The following WDR70 variants were observed in gnomAD, a reference collection of about 807,000 sequenced individuals.
WDR70 encodes WD repeat-containing protein 70.
A neutral mutation model predicts 88.6 loss-of-function variants in WDR70; 53 were observed. The ratio of observed to expected loss-of-function variants is 0.60; its 90% CI spans 0.48 to 0.75. The LOEUF is 0.75. WDR70 is among the 30% of genes least tolerant of loss of function. The pLI is 0.00. For synonymous variants in WDR70, 280 were observed against 270.0 expected, an observed-to-expected ratio of 1.04 and a Z score of -0.36; for missense variants, 610 against 823.2, an observed-to-expected ratio of 0.74 and a Z score of 3.17.
intron 9 of WDR70, among the ~76,000 whole-genome samples, chr5:37,527,110 C>G (rs1315336472): frequency 6.6e-6 from 1 of 151,856 alleles, no homozygotes; most frequent in Non-Finnish European, 1.5e-5. Context: ...TGACTTTCTT[C>G]ACAGAATTGG....
intron 9 of WDR70, among the ~76,000 whole-genome samples, chr5:37,570,337 A>G (rs1329607223): frequency 1.3e-5 from 2 of 152,102 alleles, no homozygotes; most frequent in South Asian, 2.1e-4. Flanking sequence ...TAGGAGGAAG[A>G]CAATGTAATT....
rs563684376 is a variant in WDR70 at position 37,741,313 on chromosome 5, A to G, written c.1878-11173A>G. Among the ~76,000 whole-genome samples the G allele has an allele frequency of 4.1e-4, 62 of 151,810 alleles. 1 individual carries two copies. Among genetic ancestry groups the G allele is most frequent in the Middle Eastern group, 6.8e-3 (2 of 294 alleles). ...ACATGAGATAAAACTTACTATCTTA[A>G]CCATTTATAAGTATATAGTTCATTA... On this transcript the variant is annotated intron_variant, in intron 17 of 17. Coordinates refer to ENST00000265107, the MANE Select transcript of WDR70 (RefSeq NM_018034.4).
intron 5 of WDR70, among the ~76,000 whole-genome samples, chr5:37,418,712 C>CT (rs530122248): frequency 2.2e-3 from 330 of 152,168 alleles, no homozygotes; most frequent in Non-Finnish European, 3.0e-3. Flanking sequence ...TTTCTAAAAA[C>CT]TTTTTTTCTG....
At chr5:37,718,855 C>A (rs1022776885) in intron 13 of WDR70, among the ~76,000 whole-genome samples, 1 of 152,132 alleles carries the variant, frequency 6.6e-6, no homozygotes, top group Non-Finnish European at 1.5e-5. Flanking sequence ...TGACTGAGAT[C>A]TTTGCCCATG....
chr5:37,455,586 T>G (rs1442366007), intron 7 of WDR70, among the ~76,000 whole-genome samples: 1 of 151,328 alleles, frequency 6.6e-6, no homozygotes, highest in Admixed American at 6.6e-5. Flanking sequence ...TTTGGCTCTC[T>G]GTTATCTGTT....
intron 10 of WDR70, among the ~76,000 whole-genome samples, chr5:37,646,189 A>G (rs1745234550): frequency 1.3e-5 from 2 of 152,130 alleles, no homozygotes; most frequent in Admixed American, 6.6e-5. Context: ...TTTATAACCC[A>G]TTATTTAAAC....
At chr5:37,603,891 A>G (rs1413258105) in intron 9 of WDR70, among the ~76,000 whole-genome samples, 1 of 152,198 alleles carries the variant, frequency 6.6e-6, no homozygotes, top group Non-Finnish European at 1.5e-5. Flanking sequence ...ATACTGTGCT[A>G]TTTCAAATAT....
chr5:37,743,879 GT>G (rs1232636546), intron 17 of WDR70, among the ~76,000 whole-genome samples: 2 of 152,206 alleles, frequency 1.3e-5, no homozygotes, highest in Admixed American at 1.3e-4. Context: ...AGACGAGTGG[GT>G]TTCCCCCCAG....
At chr5:37,500,881 G>A (rs189392572) in intron 8 of WDR70, among the ~76,000 whole-genome samples, 5 of 151,934 alleles carry the variant, frequency 3.3e-5, no homozygotes, top group African/African-American at 1.2e-4. Context: ...GGGATTACAG[G>A]TGTGCGCCAC....
intron 5 of WDR70, among the ~76,000 whole-genome samples, chr5:37,404,004 G>C (rs760565909): frequency 6.6e-6 from 1 of 152,176 alleles, no homozygotes; most frequent in African/African-American, 2.4e-5. Flanking sequence ...GCCTCCCAAA[G>C]TGTTGGGATT....
At chr5:37,396,972 G>A (rs1439918110) in intron 5 of WDR70, among the ~76,000 whole-genome samples, 1 of 152,160 alleles carries the variant, frequency 6.6e-6, no homozygotes, top group African/African-American at 2.4e-5. Context: ...GCGAAACTCT[G>A]TTTCTACAAA....
At chr5:37,715,545 T>G (rs377447837) in intron 13 of WDR70, among the ~76,000 whole-genome samples, 1 of 152,158 alleles carries the variant, frequency 6.6e-6, no homozygotes, top group East Asian at 1.9e-4. Context: ...TATTGGAGAC[T>G]GGGGCTTACT....
chr5:37,660,057 T>A (rs1322403175), intron 10 of WDR70, among the ~76,000 whole-genome samples: 2 of 152,256 alleles, frequency 1.3e-5, no homozygotes, highest in Non-Finnish European at 2.9e-5. Context: ...GTGTGTAGTA[T>A]AATTTCCAAA....
chr5:37,680,746 C>G (rs1746403822), intron 10 of WDR70, among the ~76,000 whole-genome samples: 1 of 152,094 alleles, frequency 6.6e-6, no homozygotes, highest in Non-Finnish European at 1.5e-5. Flanking sequence ...CTATTCTGTT[C>G]CATTGGTCTA....
intron 6 of WDR70, among the ~76,000 whole-genome samples, chr5:37,442,300 G>A (rs1402494897): frequency 1.3e-5 from 2 of 151,022 alleles, no homozygotes; most frequent in Non-Finnish European, 2.9e-5. Context: ...GCCTCCCAAA[G>A]CGCTGGGATT....
chr5:37,699,991 C>T (rs1031497954), intron 11 of WDR70, among the ~76,000 whole-genome samples: 1 of 150,998 alleles, frequency 6.6e-6, no homozygotes, highest in Non-Finnish European at 1.5e-5. Context: ...AAAAAACAGA[C>T]TAAAAGCAAT....
intron 10 of WDR70, among the ~76,000 whole-genome samples, chr5:37,674,235 TTTTTATTTTATTA>T (rs1347721210): frequency 6.6e-6 from 1 of 151,888 alleles, no homozygotes; most frequent in Non-Finnish European, 1.5e-5. Flanking sequence ...ATTTTCTTTT[TTTTTATTTTATTA>T]TTATTATACT....
chr5:37,426,168 A>G (rs1025532310), intron 5 of WDR70, among the ~76,000 whole-genome samples: 1 of 152,192 alleles, frequency 6.6e-6, no homozygotes, highest in African/African-American at 2.4e-5. Flanking sequence ...GTAGAAGGTA[A>G]ATCAGGGTAA....
At chr5:37,730,506 A>G (rs1440413344) in intron 17 of WDR70, among the ~76,000 whole-genome samples, 4 of 152,078 alleles carry the variant, frequency 2.6e-5, no homozygotes, top group East Asian at 1.9e-4. Flanking sequence ...AAATCACTCT[A>G]CATCAGTTCT....
Sources: gnomAD v4.1 joint callset for allele counts (sites outside exome capture counted in the v4.1 genomes callset) on GRCh38, gnomAD v4.1.1 for gene constraint, MANE v1.5 for transcripts, NCBI Gene and HGNC (gene_info 2026-07-23, HGNC 2026-07-21) for gene names.